The following EIF3A variants were observed in gnomAD, a reference collection of about 807,000 sequenced individuals.
The protein encoded by EIF3A is eukaryotic translation initiation factor 3 subunit A, also known as EIF3, p180 subunit.
EIF3A carries 21 observed loss-of-function variants against 186.6 expected under a neutral mutation model. The observed-to-expected ratio is 0.11, with a 90% confidence interval of 0.08 to 0.16. EIF3A has a LOEUF of 0.16. Among genes scored for constraint, EIF3A ranks in the 10% least tolerant of loss-of-function variants. The pLI, the probability that EIF3A is intolerant of heterozygous loss-of-function variation, is 1.00. For synonymous variants in EIF3A, 563 were observed against 584.3 expected (o/e 0.96, Z 0.52); for missense variants, 1,306 against 1,796.3 (o/e 0.73, Z 4.93).
chr10:119,041,155 G>A (rs1259367416), intron 19 of EIF3A, among the ~76,000 whole-genome samples: 1 of 152,074 alleles, frequency 6.6e-6, no homozygotes, highest in African/African-American at 2.4e-5. Flanking sequence ...TCCAGCCTGG[G>A]AGACAGAGCA....
intron 7 of EIF3A, among the ~76,000 whole-genome samples, chr10:119,063,438 T>C (rs1033171570): frequency 6.6e-5 from 10 of 152,230 alleles, no homozygotes; most frequent in Non-Finnish European, 2.9e-5. Context: ...ATCTAGCTTT[T>C]ATCAGAGTGA....
At chr10:119,053,134 G>A (rs1848380687) in intron 14 of EIF3A, among the ~76,000 whole-genome samples, 1 of 152,110 alleles carries the variant, frequency 6.6e-6, no homozygotes, top group Admixed American at 6.6e-5. Context: ...GTCTCAACAG[G>A]GGGCTTAAAA....
At chr10:119,073,098 C>A (rs1589696609) in intron 3 of EIF3A, 45 bp from the exon 4 acceptor site, 1 of 1,554,184 alleles carries the variant, frequency 6.4e-7, no homozygotes, top group Non-Finnish European at 8.7e-7. Context: ...CAGTTTCCTA[C>A]TTTGCCATGT....
At chr10:119,056,546 T>C (rs1454964641) in intron 14 of EIF3A, among the ~76,000 whole-genome samples, 194 bp downstream of exon 14, 2 of 152,196 alleles carry the variant, frequency 1.3e-5, no homozygotes, top group East Asian at 3.8e-4. Flanking sequence ...TCAGTTGTCC[T>C]TTGTTTTCCA....
intron 19 of EIF3A, 35 bp downstream of exon 19, chr10:119,041,959 A>T: frequency 6.3e-7 from 1 of 1,598,114 alleles, no homozygotes; most frequent in Non-Finnish European, 8.6e-7. Flanking sequence ...TTTACAGGTG[A>T]ACACTTAAGC....
intron 19 of EIF3A, among the ~76,000 whole-genome samples, chr10:119,038,741 T>C (rs1038019743): frequency 2.0e-5 from 3 of 152,096 alleles, no homozygotes; most frequent in Non-Finnish European, 4.4e-5. Context: ...CTGGCCAACA[T>C]GGTAATAACC....
chr10:119,069,224 A>G (rs537585321), intron 6 of EIF3A, among the ~76,000 whole-genome samples: 6 of 152,178 alleles, frequency 3.9e-5, no homozygotes, highest in African/African-American at 1.4e-4. Context: ...AATAGTCACA[A>G]CTGGCGGTGG....
chr10:119,080,756 G>T lies in EIF3A; in HGVS notation c.-80C>A. On this transcript the variant is annotated 5_prime_UTR_variant, in exon 1 of 22. In the 5' UTR this introduces an upstream ATG that the reference lacks. Transcript: ENST00000369144. ...CGGGAGAGGAGACGAAGGGGAACCAGCGTAAGGTCCCACGCGCCTCGCCAG... is the reference window on the plus strand; with the variant it reads ...CGGGAGAGGAGACGAAGGGGAACCATCGTAAGGTCCCACGCGCCTCGCCAG... 1 of 1,531,084 alleles carries T rather than the reference G, an allele frequency of 6.5e-7. No homozygotes were observed. Among genetic ancestry groups the T allele is most frequent in the East Asian group, 2.6e-5 (1 of 38,420 alleles). The allele number at this position is 1,531,084 out of a possible 1,614,324, so 94.8% of individuals were successfully genotyped here.
At chr10:119,065,643 A>T (rs1289963042) in intron 6 of EIF3A, 73 bp from the exon 7 acceptor site, 1 of 1,104,794 alleles carries the variant, frequency 9.1e-7, no homozygotes, top group African/African-American at 1.6e-5. Context: ...ACTTCTCTTT[A>T]ATCTTACGGT....
Position 119,070,974 on chromosome 10 carries a change from A to G in EIF3A, c.653T>C (p.Ile218Thr). Residue 218 changes from isoleucine to threonine, a missense_variant, in exon 5 of 22, where the codon ATC becomes ACC. Around this residue, in one of 8 missense-constraint regions of EIF3A, gnomAD observed 267 missense variants for 367.8 expected, o/e 0.73. Transcript: ENST00000369144. ...CTGGCTCTCTGGATTATTAAGATTG[A>G]TTGCCGTACTTTGGTTATGGTGGCG... The part of the protein sequence containing the change: ...IQRHHNQSTA[I>T]NLNNPESQSM... 2 of 1,613,956 alleles carry G rather than the reference A, an allele frequency of 1.2e-6. No individual in the cohort carries two copies. The highest frequency in any genetic ancestry group is 1.7e-6 in the Non-Finnish European group (2 of 1,179,846).
At chr10:119,062,800 T>G (rs1426846537) in intron 7 of EIF3A, among the ~76,000 whole-genome samples, 1 of 130,522 alleles carries the variant, frequency 7.7e-6, no homozygotes, top group Non-Finnish European at 1.5e-5. Context: ...CAGGCTAGAG[T>G]GCAGTGGCAC....
rs1469665974 is a variant in EIF3A, at chr10:119,072,906, A to G, written c.525T>C (p.His175=). 2 of 1,611,110 alleles carry G rather than the reference A, an allele frequency of 1.2e-6. No individual in the cohort carries two copies. Among genetic ancestry groups the G allele is most frequent in the Non-Finnish European group, 1.7e-6 (2 of 1,179,162 alleles). Residue 175 remains histidine, a synonymous_variant, in exon 4 of 22, where the codon CAT becomes CAC. Transcript: ENST00000369144. The part of the protein sequence containing the change: ...RNNSRVERLY[H]DIAQQAFKFC... ...TCATCTTACCTTGCTGGGCAATATC[A>G]TGGTACAGGCGCTCTACTCTAGAAT...
At chr10:119,076,628 A>G (rs886387885) in intron 1 of EIF3A, among the ~76,000 whole-genome samples, 1 of 152,144 alleles carries the variant, frequency 6.6e-6, no homozygotes, top group African/African-American at 2.4e-5. Context: ...TATATAGTGC[A>G]TGTAAGGTTA....
rs548959325 is a variant in EIF3A, at chr10:119,075,655, T to C, written c.50-1718A>G. Among the ~76,000 whole-genome samples, 279 of 141,948 alleles carry C rather than the reference T, an allele frequency of 2.0e-3. 1 individual carries two copies. Among genetic ancestry groups the C allele is most frequent in the African/African-American group, 6.7e-3 (263 of 39,084 alleles). 93.1% of individuals were successfully genotyped at this position (141,948 alleles called of 152,430 possible). On this transcript the variant is annotated intron_variant, in intron 1 of 21. Coordinates refer to ENST00000369144, the MANE Select transcript of EIF3A (RefSeq NM_003750.4). ...GCTTAAAACACTATATATATACATA[T>C]ATATATATATATCTCCTTTTTAAAA...
chr10:119,047,280 C>A (rs965175725), intron 17 of EIF3A, among the ~76,000 whole-genome samples: 2 of 152,070 alleles, frequency 1.3e-5, no homozygotes, highest in Non-Finnish European at 2.9e-5. Context: ...CACACACACA[C>A]ACAAAAAGAA....
intron 21 of EIF3A, 32 bp from the exon 22 acceptor site, chr10:119,036,300 G>A: frequency 1.4e-6 from 2 of 1,398,712 alleles, no homozygotes; most frequent in Non-Finnish European, 1.0e-6. Context: ...AAAAAATTAA[G>A]TTAGTACTAT....
rs1256239115 is a variant in EIF3A at position 119,037,139 on chromosome 10, A to G, written c.3899T>C (p.Leu1300Pro). The change falls in exon 21 of 22, where the codon CTC becomes CCC. Residue 1300 changes from leucine to proline, a missense_variant. Transcript: ENST00000369144. ...TATACCTTCTTCACGTTCTGATCTG[A>G]GTGGAGGTCCTCTTCGGTCCCTGTC... ...RDDRDRRGPPLRSEREEVSSW... is the reference protein window; with the variant it reads ...RDDRDRRGPPPRSEREEVSSW... 3 of 1,405,410 alleles carry G rather than the reference A, an allele frequency of 2.1e-6. No individual in the cohort carries two copies. Among genetic ancestry groups the G allele is most frequent in the Middle Eastern group, 2.0e-4 (1 of 5,032 alleles). 87.1% of individuals were successfully genotyped at this position (1,405,410 alleles called of 1,614,324 possible). A position where few individuals can be genotyped will look rare whatever the true frequency, so the allele number is the denominator to read the frequency against.
intron 18 of EIF3A, among the ~76,000 whole-genome samples, chr10:119,043,595 G>A (rs919909185): frequency 1.3e-5 from 2 of 151,894 alleles, no homozygotes; most frequent in African/African-American, 4.8e-5. Context: ...AGAGTGAGAC[G>A]CCATCTCAAA....
chr10:119,041,895 G>C, intron 19 of EIF3A, 99 bp downstream of exon 19: 2 of 1,314,240 alleles, frequency 1.5e-6, no homozygotes, highest in South Asian at 2.8e-5. Context: ...TGAAAGACCA[G>C]TTTATCTGGA....
Sources: allele counts gnomAD v4.1 joint callset (sites outside exome capture counted in the v4.1 genomes callset), GRCh38; gene constraint gnomAD v4.1.1; regional missense constraint gnomAD v4.1.1; transcripts MANE v1.5; gene names NCBI Gene and HGNC (gene_info 2026-07-23, HGNC 2026-07-21).